The following CDIN1 variants were observed in gnomAD, a reference collection of about 807,000 sequenced individuals.
The protein encoded by CDIN1 is CDAN1-interacting nuclease 1.
Under a neutral mutation model 45.3 loss-of-function variants are expected in CDIN1, and 33 were observed. The observed-to-expected ratio is 0.73, with a 90% confidence interval of 0.55 to 0.97. The LOEUF (loss-of-function observed/expected upper bound fraction) is 0.97. Ranked by LOEUF, CDIN1 falls within the 50% of genes least tolerant of loss-of-function variation. The probability of loss-of-function intolerance (pLI) is 0.00; values close to 1 mark genes in which losing one functional copy is unlikely to be tolerated. For missense variants in CDIN1, 303 were observed against 339.4 expected (o/e 0.89, Z 0.84); for synonymous variants, 118 against 124.4 (o/e 0.95, Z 0.34).
intron 1 of CDIN1, among the ~76,000 whole-genome samples, chr15:36,619,469 TTCTATCTA>T (rs58603040): frequency 0.12 from 18,118 of 147,048 alleles, 1,259 homozygotes; most frequent in Admixed American, 0.21. Flanking sequence ...GCTGGAGGAT[TTCTATCTA>T]TCTATCTATC....
At chr15:36,783,289 T>G (rs1419265953) in intron 10 of CDIN1, among the ~76,000 whole-genome samples, 3 of 152,102 alleles carry the variant, frequency 2.0e-5, no homozygotes, top group Non-Finnish European at 4.4e-5. Context: ...CACCAGCAGT[T>G]CGGCAGATTA....
intron 10 of CDIN1, among the ~76,000 whole-genome samples, chr15:36,748,106 C>T (rs1189998928): frequency 6.6e-6 from 1 of 152,112 alleles, no homozygotes; most frequent in Non-Finnish European, 1.5e-5. Flanking sequence ...TGACCTGGGG[C>T]AAATCTCTCA....
chr15:36,735,973 T>C (rs1025507113), intron 10 of CDIN1, among the ~76,000 whole-genome samples: 27 of 152,334 alleles, frequency 1.8e-4, no homozygotes, highest in African/African-American at 6.3e-4. Flanking sequence ...TATCTGGTCA[T>C]AGGATTTAGT....
At chr15:36,808,261 G>C (rs1398928064) in intron 10 of CDIN1, 63 bp from the exon 11 acceptor site, 1 of 1,588,774 alleles carries the variant, frequency 6.3e-7, no homozygotes, top group African/African-American at 1.3e-5. Flanking sequence ...GTGCCCCAAG[G>C]TGACTTTTTT....
rs1312794335 is a variant in CDIN1, at chr15:36,699,027, G to A, written c.544+1637G>A. ...TACAGAAAGGGAACTTGAAATTGAT[G>A]GGTCTCATCTGTTCCTCTGTGCTGT... On this transcript the variant is annotated intron_variant, in intron 8 of 10. Coordinates refer to ENST00000566621, the MANE Select transcript of CDIN1 (RefSeq NM_001321759.2). 3.3e-5 allele frequency among the ~76,000 whole-genome samples: 5 copies of A among 152,070 alleles called. No homozygotes were observed. In the South Asian group the frequency reaches 6.2e-4, roughly 19 times the overall value.
At chr15:36,769,776 C>G (rs746456514) in intron 10 of CDIN1, among the ~76,000 whole-genome samples, 2 of 152,088 alleles carry the variant, frequency 1.3e-5, no homozygotes, top group Non-Finnish European at 2.9e-5. Flanking sequence ...CTTAGAAACC[C>G]AGCTCTCAAC....
chr15:36,785,676 T>G (rs2054472069), intron 10 of CDIN1, among the ~76,000 whole-genome samples: 1 of 152,208 alleles, frequency 6.6e-6, no homozygotes, highest in Non-Finnish European at 1.5e-5. Flanking sequence ...CTATTCTCGT[T>G]ACCTTGTGCA....
chr15:36,745,168 A>G (rs1170370418), intron 10 of CDIN1, among the ~76,000 whole-genome samples: 1 of 152,202 alleles, frequency 6.6e-6, no homozygotes, highest in Non-Finnish European at 1.5e-5. Context: ...GCACTTTTCC[A>G]AGCATTTGTA....
At chr15:36,673,361 A>T (rs1162302293) in intron 5 of CDIN1, among the ~76,000 whole-genome samples, 1 of 152,108 alleles carries the variant, frequency 6.6e-6, no homozygotes, top group African/African-American at 2.4e-5. Context: ...TCCATCTGAG[A>T]TGAAGTTTGA....
At chr15:36,595,210 G>A (rs1186338361) in intron 1 of CDIN1, among the ~76,000 whole-genome samples, 1 of 151,138 alleles carries the variant, frequency 6.6e-6, no homozygotes, top group Non-Finnish European at 1.5e-5. Context: ...GGGAATTATT[G>A]TCTTGAAAGG....
chr15:36,759,410 C>G (rs71468824), intron 10 of CDIN1, among the ~76,000 whole-genome samples: 6 of 152,092 alleles, frequency 3.9e-5, no homozygotes, highest in Non-Finnish European at 2.9e-5. Flanking sequence ...CTGCATCAGC[C>G]CCACTTTGGA....
intron 3 of CDIN1, 124 bp from the exon 4 acceptor site, chr15:36,653,974 T>C (rs2040677613): frequency 1.5e-6 from 1 of 659,730 alleles, no homozygotes; most frequent in Admixed American, 2.9e-5. Context: ...GAAAGTAGCT[T>C]ACTTTAACTA....
intron 1 of CDIN1, among the ~76,000 whole-genome samples, chr15:36,588,210 T>A (rs1291040669): frequency 6.6e-6 from 1 of 152,198 alleles, no homozygotes; most frequent in Non-Finnish European, 1.5e-5. Context: ...CTTTAAGTAT[T>A]TCACAGTGAT....
chr15:36,685,795 A>G (rs1335557823), intron 5 of CDIN1, among the ~76,000 whole-genome samples: 9 of 152,264 alleles, frequency 5.9e-5, no homozygotes, highest in Non-Finnish European at 1.2e-4. Context: ...TGTGGCCAAC[A>G]GACACATGAA....
In CDIN1 at chr15:36,692,160, T is replaced by C. The variant is rs754020973; in HGVS notation, c.461T>C (p.Val154Ala). The C allele has an allele frequency of 2.3e-5, 37 of 1,613,714 alleles. No individual in the cohort carries two copies. Among genetic ancestry groups the C allele is most frequent in the Non-Finnish European group, 6.8e-6 (8 of 1,179,838 alleles). The change falls in exon 7 of 11, where the codon GTG becomes GCG. Residue 154 changes from valine (V) to alanine (A), a missense_variant. Physicochemically the swap from Val to Ala is moderately conservative, Grantham distance 64. Coordinates refer to ENST00000566621, the MANE Select transcript of CDIN1 (RefSeq NM_001321759.2). ...AACGACTGCTGTTACGGACCACTAG[T>C]GGACTGCATCAAGCAGTATCCTTTC... ...IVNDCCYGPL[V>A]DCIKHAIGHE...
chr15:36,611,526 A>G (rs2038649293), intron 1 of CDIN1, among the ~76,000 whole-genome samples: 1 of 152,232 alleles, frequency 6.6e-6, no homozygotes, highest in Non-Finnish European at 1.5e-5. Context: ...CAAAATTATC[A>G]TGGGTTGGTT....
intron 1 of CDIN1, chr15:36,617,354 C>T (rs1277803528): frequency 6.4e-7 from 1 of 1,557,172 alleles, no homozygotes; most frequent in Admixed American, 1.7e-5. Context: ...GAAGAATCAA[C>T]TGATGGGATG....
chr15:36,604,887 C>T (rs2038288853), intron 1 of CDIN1, among the ~76,000 whole-genome samples: 1 of 151,934 alleles, frequency 6.6e-6, no homozygotes, highest in Admixed American at 6.6e-5. Context: ...ATATCAGCTG[C>T]CAAAGAATTG....
intron 10 of CDIN1, among the ~76,000 whole-genome samples, chr15:36,746,166 A>G (rs1376984169): frequency 6.6e-6 from 1 of 152,138 alleles, no homozygotes; most frequent in African/African-American, 2.4e-5. Flanking sequence ...AATTCATTTG[A>G]TATGTGGCAG....
Sources: gnomAD v4.1 joint callset for allele counts (sites outside exome capture counted in the v4.1 genomes callset) on GRCh38, gnomAD v4.1.1 for gene constraint, MANE v1.5 for transcripts, NCBI Gene and HGNC (gene_info 2026-07-23, HGNC 2026-07-21) for gene names.